FAM20A: variants seen among roughly 807,000 people sequenced by gnomAD.
FAM20A encodes the protein FAM20A golgi associated secretory pathway pseudokinase.
FAM20A carries 42 observed loss-of-function variants against 52.0 expected under a neutral mutation model. That is an observed-to-expected ratio of 0.81 (90% CI 0.63 to 1.04). The LOEUF is 1.04. Among genes scored for constraint, FAM20A ranks in the 50% least tolerant of loss-of-function variants. The probability of loss-of-function intolerance (pLI) is 0.00; values close to 1 mark genes in which losing one functional copy is unlikely to be tolerated. For missense variants in FAM20A, 742 were observed against 712.7 expected, an observed-to-expected ratio of 1.04 and a Z score of -0.47; for synonymous variants, 304 against 298.9, an observed-to-expected ratio of 1.02 and a Z score of -0.18.
At chr17:68,580,110 T>G (rs2087898964) in intron 1 of FAM20A, among the ~76,000 whole-genome samples, 1 of 152,208 alleles carries the variant, frequency 6.6e-6, no homozygotes, top group Non-Finnish European at 1.5e-5. Flanking sequence ...GTCCACAAAG[T>G]GGAAGTAACA....
intron 1 of FAM20A, chr17:68,558,238 T>C (rs1240576060): frequency 1.2e-5 from 4 of 330,440 alleles, no homozygotes; most frequent in Non-Finnish European, 2.5e-5. Context: ...GAGAATGAGC[T>C]TGAAGGAGGA....
intron 1 of FAM20A, among the ~76,000 whole-genome samples, chr17:68,581,510 T>G (rs1294154351): frequency 2.1e-5 from 3 of 140,838 alleles, no homozygotes; most frequent in African/African-American, 7.5e-5. Flanking sequence ...CTTCTTTCTC[T>G]TTCTCTCCTT....
intron 1 of FAM20A, among the ~76,000 whole-genome samples, chr17:68,585,831 C>T (rs2088151998): frequency 2.0e-5 from 3 of 152,192 alleles, no homozygotes; most frequent in Admixed American, 2.0e-4. Context: ...GAGAGACTCA[C>T]TGAGAGCCAT....
At position 68,542,139 on chromosome 17, in the gene FAM20A, A is replaced by G; in HGVS notation, c.955T>C (p.Cys319Arg). 6.2e-7 allele frequency: 1 copy of G among 1,614,094 alleles called. No individual in the cohort carries two copies. Among genetic ancestry groups the G allele is most frequent in the Non-Finnish European group, 8.5e-7 (1 of 1,180,024 alleles). The change falls in exon 7 of 11, where the codon TGT becomes CGT. Residue 319 changes from cysteine (C) to arginine (R), a missense_variant. Coordinates refer to ENST00000592554, the MANE Select transcript of FAM20A (RefSeq NM_017565.4). ...PASNVCFFAK[C>R]PYMCKTEYAV... The stretch of plus-strand genomic sequence containing the variant: ...TACTCCGTCTTGCACATGTATGGAC[A>G]CTTGGCGAAGAAGCACACGTTGCTC...
chr17:68,589,744 ATT>A (rs2088252498), intron 1 of FAM20A, among the ~76,000 whole-genome samples: 1 of 152,220 alleles, frequency 6.6e-6, no homozygotes, highest in Non-Finnish European at 1.5e-5. Flanking sequence ...ACAATTTGTA[ATT>A]TATTGATATA....
rs76303881 is a variant in FAM20A at position 68,536,604 on chromosome 17, A to G, written c.*873T>C. The G allele has an allele frequency of 0.012, 5,543 of 452,972 alleles. 223 individuals carry two copies. Among genetic ancestry groups the G allele is most frequent in the African/African-American group, 0.099 (4,919 of 49,902 alleles). The allele number at this position is 452,972 out of a possible 1,614,324, so 28.1% of individuals were successfully genotyped here. On this transcript the variant is annotated 3_prime_UTR_variant, in exon 11 of 11. Transcript: ENST00000592554. ...TTCTTTTGGGGATGGGCCGGGGACA[A>G]TCCTGGGGTCTTAGGGAAGAAGATT...
chr17:68,576,419 G>A (rs928055462), intron 1 of FAM20A, among the ~76,000 whole-genome samples: 5 of 152,176 alleles, frequency 3.3e-5, no homozygotes, highest in Non-Finnish European at 4.4e-5. Flanking sequence ...GGACCTGGCC[G>A]ACTGGCTTCC....
rs1433215445 is a variant in FAM20A, at chr17:68,600,265, G to C, written c.402C>G (p.Asn134Lys). The change falls in exon 1 of 11, where the codon AAC becomes AAG. Residue 134 changes from asparagine to lysine, a missense_variant and splice_region_variant. Asn to Lys is a moderately conservative substitution (Grantham distance 94). Transcript: ENST00000592554. The surrounding 1 kb of genome is among the most constrained non-coding windows in gnomAD (Gnocchi z 6.2). ...RYYRRKVARWNRRHKMYREQM... is the reference protein window; with the variant it reads ...RYYRRKVARWKRRHKMYREQM... The stretch of plus-strand genomic sequence containing the variant: ...CGCGTCCCGGGCGGGGTCCTCACCT[G>C]TTCCAGCGGGCCACCTTCCTCCGGT... 1.3e-6 allele frequency: 2 copies of C among 1,562,874 alleles called. No individual in the cohort carries two copies. The highest frequency in any genetic ancestry group is 1.2e-5 in the South Asian group (1 of 84,892).
At chr17:68,563,382 G>A (rs1363555589) in intron 1 of FAM20A, among the ~76,000 whole-genome samples, 2 of 51,318 alleles carry the variant, frequency 3.9e-5, no homozygotes, top group Admixed American at 2.3e-4. Flanking sequence ...GTGAGACTCC[G>A]TCTCAAAAAA....
At chr17:68,542,594 G>C (rs978044594) in intron 6 of FAM20A, 100 bp downstream of exon 6, 4 of 894,850 alleles carry the variant, frequency 4.5e-6, no homozygotes, top group Non-Finnish European at 7.5e-6. Context: ...GTAATGGATA[G>C]TGCTAGCAGC....
rs771494648 is a variant in FAM20A, at chr17:68,581,414, CTT to C, written c.404+18847_404+18848del. ...TCTTTCTTTCTTTCTTTCTTTCTTTCTTTTTCTCTTTTCTTTCTTTCTTTTCT... is the reference window on the plus strand; with the variant it reads ...TCTTTCTTTCTTTCTTTCTTTCTTTCTTTCTCTTTTCTTTCTTTCTTTTCT... On this transcript the variant is annotated intron_variant, in intron 1 of 10. Transcript: ENST00000592554. 3.8e-3 allele frequency among the ~76,000 whole-genome samples: 426 copies of C among 110,786 alleles called. 1 individual carries two copies. The highest frequency in any genetic ancestry group is 0.012 in the African/African-American group (357 of 28,644). The allele number at this position is 110,786 out of a possible 152,430, so 72.7% of individuals were successfully genotyped here.
chr17:68,548,750 T>TG (rs1491230216), intron 4 of FAM20A, among the ~76,000 whole-genome samples: 2 of 139,262 alleles, frequency 1.4e-5, no homozygotes, highest in East Asian at 2.1e-4. Flanking sequence ...TTTTTTTTTT[T>TG]GAGACAGAAT....
chr17:68,586,681 G>A (rs1189504713), intron 1 of FAM20A, among the ~76,000 whole-genome samples: 2 of 152,166 alleles, frequency 1.3e-5, no homozygotes, highest in Admixed American at 6.5e-5. Flanking sequence ...TCTGGATGGC[G>A]TGCTGCCCTT....
chr17:68,582,149 A>T (rs1324555628), intron 1 of FAM20A, among the ~76,000 whole-genome samples: 1 of 152,176 alleles, frequency 6.6e-6, no homozygotes, highest in African/African-American at 2.4e-5. Flanking sequence ...AGTAAAAGAA[A>T]AAGAGTTGTT....
At chr17:68,546,903 G>T (rs2086599632) in intron 4 of FAM20A, among the ~76,000 whole-genome samples, 1 of 151,388 alleles carries the variant, frequency 6.6e-6, no homozygotes, top group Non-Finnish European at 1.5e-5. Context: ...CAGAATGGAT[G>T]TTGTGTTAGC....
At chr17:68,539,463 TCTC>T in intron 9 of FAM20A, 67 bp from the exon 10 acceptor site, 1 of 1,407,776 alleles carries the variant, frequency 7.1e-7, no homozygotes, top group South Asian at 1.2e-5. Flanking sequence ...AGGCTTCCTC[TCTC>T]CTCTCAGCAT....
chr17:68,582,570 A>G (rs932756636), intron 1 of FAM20A: 5 of 152,180 alleles, frequency 3.3e-5, no homozygotes, highest in African/African-American at 1.2e-4. Context: ...TTAAAGCATA[A>G]TCAACTAGCA....
chr17:68,548,551 T>C (rs1213143308), intron 4 of FAM20A, among the ~76,000 whole-genome samples: 1 of 151,616 alleles, frequency 6.6e-6, no homozygotes, highest in Non-Finnish European at 1.5e-5. Context: ...GTTTGAAATA[T>C]TGTGAGAATT....
intron 1 of FAM20A, among the ~76,000 whole-genome samples, chr17:68,573,639 C>T (rs1169289165): frequency 6.8e-6 from 1 of 147,570 alleles, no homozygotes; most frequent in Admixed American, 6.9e-5. Context: ...TCCTTCCCTC[C>T]TTTCTTTCTT....
Sources: gnomAD v4.1 joint callset for allele counts (sites outside exome capture counted in the v4.1 genomes callset) on GRCh38, gnomAD v4.1.1 for gene constraint, Gnocchi (gnomAD v3.1) non-coding constraint, MANE v1.5 for transcripts, NCBI Gene and HGNC (gene_info 2026-07-23, HGNC 2026-07-21) for gene names.